RNF150: variants seen among roughly 807,000 people sequenced by gnomAD.
RNF150 encodes ring finger protein 150.
Under a neutral mutation model 39.3 loss-of-function variants are expected in RNF150, and 24 were observed. That is an observed-to-expected ratio of 0.61 (90% CI 0.44 to 0.86). The LOEUF (loss-of-function observed/expected upper bound fraction) is 0.86, where lower values mean the gene tolerates loss of function less well. Ranked by LOEUF, RNF150 falls within the 40% of genes least tolerant of loss-of-function variation. The pLI, the probability that RNF150 is intolerant of heterozygous loss-of-function variation, is 0.00. For synonymous variants in RNF150, 255 were observed against 227.3 expected (o/e 1.12, Z -1.10); for missense variants, 502 against 587.8 (o/e 0.85, Z 1.51).
At chr4:141,015,619 T>C (rs1162421434) in intron 1 of RNF150, among the ~76,000 whole-genome samples, 1 of 152,210 alleles carries the variant, frequency 6.6e-6, no homozygotes, top group Non-Finnish European at 1.5e-5. Context: ...GTAATTTTAC[T>C]GAATTCATTT....
At chr4:141,064,900 T>C (rs1322985623) in intron 1 of RNF150, among the ~76,000 whole-genome samples, 1 of 152,160 alleles carries the variant, frequency 6.6e-6, no homozygotes, top group Non-Finnish European at 1.5e-5. Flanking sequence ...AGTTTCACTC[T>C]TGTTACCCAG....
At chr4:141,015,574 A>G (rs1454456747) in intron 1 of RNF150, among the ~76,000 whole-genome samples, 2 of 152,114 alleles carry the variant, frequency 1.3e-5, no homozygotes, top group Non-Finnish European at 2.9e-5. Flanking sequence ...GTCTATAGAA[A>G]TGATGCTGAT....
chr4:141,025,797 CTT>C (rs577421679), intron 1 of RNF150, among the ~76,000 whole-genome samples: 409 of 152,126 alleles, frequency 2.7e-3, no homozygotes, highest in African/African-American at 9.6e-3. Context: ...ATTGAAAAAA[CTT>C]TTTATCTTTA....
intron 1 of RNF150, among the ~76,000 whole-genome samples, chr4:141,209,411 A>G (rs1728427258): frequency 6.6e-6 from 1 of 152,142 alleles, no homozygotes; most frequent in Non-Finnish European, 1.5e-5. Flanking sequence ...TTATTAATCC[A>G]GTCTTCTGCC....
At chr4:140,998,279 G>A (rs565819570) in intron 1 of RNF150, among the ~76,000 whole-genome samples, 1 of 152,232 alleles carries the variant, frequency 6.6e-6, no homozygotes, top group African/African-American at 2.4e-5. Flanking sequence ...GGGCCTCTAA[G>A]GAGGCAATCA....
At chr4:140,894,205 A>G (rs1729857113) in intron 6 of RNF150, among the ~76,000 whole-genome samples, 1 of 150,946 alleles carries the variant, frequency 6.6e-6, no homozygotes, top group African/African-American at 2.4e-5. Flanking sequence ...CCTTCAGAGG[A>G]GGGGCAATGT....
At chr4:140,962,079 C>T (rs1019327773) in intron 2 of RNF150, among the ~76,000 whole-genome samples, 1 of 149,622 alleles carries the variant, frequency 6.7e-6, no homozygotes, top group South Asian at 2.1e-4. Context: ...CTCTCTCTCT[C>T]TACTCTCTCT....
rs142756800 is a variant in RNF150 at position 140,871,491 on chromosome 4, T to C, written c.1199-3112A>G. On this transcript the variant is annotated intron_variant, in intron 6 of 6. Transcript: ENST00000515673. ...GATAAAAAATGAGAGCTGTACTTTA[T>C]AGGGAATTAAATTTCCACTTCTTTT... 5.8e-3 allele frequency among the ~76,000 whole-genome samples: 878 copies of C among 152,334 alleles called. 7 individuals are homozygous for C. The highest frequency in any genetic ancestry group is 0.019 in the African/African-American group (774 of 41,566).
At chr4:140,892,610 T>C (rs1729792272) in intron 6 of RNF150, among the ~76,000 whole-genome samples, 1 of 152,242 alleles carries the variant, frequency 6.6e-6, no homozygotes, top group African/African-American at 2.4e-5. Flanking sequence ...CAATTTTGTA[T>C]CCTGCTAACT....
Position 140,863,317 on chromosome 4 carries a change from G to A in RNF150, c.*4944C>T, listed in dbSNP as rs1728564526. 6.6e-6 allele frequency: 1 copy of A among 152,178 alleles called. No individual in the cohort carries two copies. Among genetic ancestry groups the A allele is most frequent in the East Asian group, 1.9e-4 (1 of 5,194 alleles). 9.4% of individuals were successfully genotyped at this position (152,178 alleles called of 1,614,324 possible). Reference sequence around the variant, plus strand: ...CCCAGAAAACATTTATGGCAAGGAAGCCTGAAAACATGGCAATGGTTGTAA... The same window carrying A: ...CCCAGAAAACATTTATGGCAAGGAAACCTGAAAACATGGCAATGGTTGTAA... On this transcript the variant is annotated 3_prime_UTR_variant, in exon 7 of 7. Transcript: ENST00000515673.
intron 1 of RNF150, among the ~76,000 whole-genome samples, chr4:141,163,527 G>T (rs1318048573): frequency 6.6e-6 from 1 of 152,200 alleles, no homozygotes; most frequent in African/African-American, 2.4e-5. Context: ...TACCAGCAGG[G>T]GTTGACAGAC....
intron 1 of RNF150, among the ~76,000 whole-genome samples, chr4:141,012,802 A>AAAAAAAAAAT (rs1735123383): frequency 1.3e-5 from 2 of 149,238 alleles, no homozygotes; most frequent in Non-Finnish European, 1.5e-5. Context: ...AAAAAAAAAA[A>AAAAAAAAAAT]GGCATCCCCT....
intron 6 of RNF150, among the ~76,000 whole-genome samples, chr4:140,902,118 T>G (rs1482621619): frequency 1.3e-5 from 2 of 152,112 alleles, no homozygotes; most frequent in Non-Finnish European, 2.9e-5. Flanking sequence ...GAGCACAGAC[T>G]GGAGGATGGT....
At chr4:141,007,396 A>T (rs73860240) in intron 1 of RNF150, among the ~76,000 whole-genome samples, 11,052 of 152,224 alleles carry the variant, frequency 0.073, 454 homozygotes, top group Middle Eastern at 0.16. Context: ...CTTTGGCCTA[A>T]TTAGTAAGTT....
intron 1 of RNF150, among the ~76,000 whole-genome samples, chr4:141,160,848 T>A (rs114929757): frequency 6.6e-6 from 1 of 152,240 alleles, no homozygotes; most frequent in African/African-American, 2.4e-5. Flanking sequence ...GCATCATGCT[T>A]CCTCTACAAT....
intron 1 of RNF150, among the ~76,000 whole-genome samples, chr4:141,012,117 T>C (rs753037481): frequency 2.0e-5 from 3 of 152,248 alleles, no homozygotes; most frequent in Non-Finnish European, 4.4e-5. Context: ...AAATAAAGAA[T>C]CTTTTCTTTC....
At chr4:141,113,337 T>TAA (rs35017497) in intron 1 of RNF150, among the ~76,000 whole-genome samples, 5 of 139,074 alleles carry the variant, frequency 3.6e-5, no homozygotes, top group African/African-American at 5.4e-5. Context: ...AATGGAAAGT[T>TAA]AAAAAAAAAA....
chr4:141,127,475 T>A (rs932698442), intron 1 of RNF150, among the ~76,000 whole-genome samples: 33 of 152,308 alleles, frequency 2.2e-4, no homozygotes, highest in African/African-American at 7.7e-4. Flanking sequence ...AGCTAGGTCC[T>A]TTACAGAGTT....
Position 141,171,162 on chromosome 4 carries a change from T to C in RNF150, c.-6+41632A>G, listed in dbSNP as rs113227200. Among the ~76,000 whole-genome samples the C allele has an allele frequency of 2.6e-3, 403 of 152,258 alleles. 1 individual carries two copies. The highest frequency in any genetic ancestry group is 9.2e-3 in the African/African-American group (381 of 41,536). The stretch of plus-strand genomic sequence containing the variant: ...ACATAGGGTTGTAAAGAATGACTTG[T>C]AAAAGAAGGAGGCTTAGAAAATAAA... On this transcript the variant is annotated intron_variant, in intron 1 of 7. Transcript: ENST00000420921.
Sources: allele counts gnomAD v4.1 joint callset (sites outside exome capture counted in the v4.1 genomes callset), GRCh38; gene constraint gnomAD v4.1.1; transcripts MANE v1.5; gene names NCBI Gene and HGNC (gene_info 2026-07-23, HGNC 2026-07-21).